Variants in VNN2 observed in about 807,000 individuals in gnomAD.
The protein encoded by VNN2 is vanin 2, also known as pantetheine hydrolase VNN2.
In VNN2, 43 loss-of-function variants were observed where a neutral mutation model predicts 43.0. The observed-to-expected ratio is 1.00, with a 90% CI of 0.78 to 1.29. The LOEUF is 1.29. VNN2 is among the 50% of genes most tolerant of loss of function. The pLI is 0.00. For missense variants in VNN2, 652 were observed against 619.7 expected (o/e 1.05, Z -0.55); for synonymous variants, 230 against 224.3 (o/e 1.03, Z -0.23).
At chr6:132,752,954 C>T in intron 3 of VNN2, 5 of 524,830 alleles carry the variant, frequency 9.5e-6, no homozygotes, top group Non-Finnish European at 1.7e-5. Context: ...CTCTCATCTC[C>T]TCTCTCTCCC....
At chr6:132,747,262 A>G (rs1171785786) in intron 6 of VNN2, among the ~76,000 whole-genome samples, 2 of 152,142 alleles carry the variant, frequency 1.3e-5, no homozygotes, top group Non-Finnish European at 2.9e-5. Flanking sequence ...TACACATTGC[A>G]TGTCTGTATC....
chr6:132,758,042 T>TTCTTCTTCTTCTTCTTCCTC (rs1562254247), upstream of VNN2: 1 of 159,470 alleles, frequency 6.3e-6, no homozygotes, highest in African/African-American at 7.6e-5. Context: ...TCTTCTTCTT[T>TTCTTCTTCTTCTTCTTCCTC]TTTTTTTTTT....
In VNN2 at chr6:132,749,801, G is replaced by C. The variant is rs1779943500; in HGVS notation, c.1265C>G (p.Ala422Gly). 17 of 1,614,066 alleles carry C rather than the reference G, an allele frequency of 1.1e-5. No homozygotes were observed. The highest frequency in any genetic ancestry group is 1.4e-5 in the Non-Finnish European group (16 of 1,179,970). ...LTTCGRPVET[A>G]STRFEMFSLS... ...GGAGAACATTTCAAATCTTGTAGAAGCAGTTTCTACTGGCCGTCCACAAGT... is the reference window on the plus strand; with the variant it reads ...GGAGAACATTTCAAATCTTGTAGAACCAGTTTCTACTGGCCGTCCACAAGT... Residue 422 changes from alanine (A) to glycine (G), a missense_variant, in exon 6 of 7, where the codon GCT becomes GGT. Ala to Gly is a moderately conservative substitution (Grantham distance 60). Transcript: ENST00000326499.
At chr6:132,752,175 T>A (rs981461250) in intron 4 of VNN2, among the ~76,000 whole-genome samples, 1 of 152,232 alleles carries the variant, frequency 6.6e-6, no homozygotes, top group Non-Finnish European at 1.5e-5. Flanking sequence ...GGGTAGCATT[T>A]GGCAAATTAC....
rs748855473 is a variant in VNN2 at position 132,755,834 on chromosome 6, C to G, written c.537+9G>C. Reference sequence around the variant, plus strand: ...CGCTCCATTTTACACGTCCGTCACTCTCTCTTACCTTATGGTAACGTGCCA... The same window carrying G: ...CGCTCCATTTTACACGTCCGTCACTGTCTCTTACCTTATGGTAACGTGCCA... On this transcript the variant is annotated intron_variant, in intron 3 of 6. Transcript: ENST00000326499. 16 of 1,602,972 alleles carry G rather than the reference C, an allele frequency of 1.0e-5. No individual in the cohort carries two copies. The highest frequency in any genetic ancestry group is 1.7e-4 in the Middle Eastern group (1 of 5,988).
intron 5 of VNN2, 145 bp downstream of exon 5, chr6:132,751,000 G>GTGTGTGTGTGT (rs1383022090): frequency 1.0e-6 from 1 of 954,500 alleles, no homozygotes; most frequent in Non-Finnish European, 1.6e-6. Flanking sequence ...ATGCACGTGT[G>GTGTGTGTGTGT]TGTGTGTGTG....
Position 132,750,513 on chromosome 6 carries a change from A to T in VNN2, c.1200+632T>A, listed in dbSNP as rs181978791. 1.0e-2 allele frequency among the ~76,000 whole-genome samples: 785 copies of T among 78,550 alleles called. 57 individuals are homozygous for T. Among genetic ancestry groups the T allele is most frequent in the Middle Eastern group, 0.016 (2 of 124 alleles). 51.5% of individuals were successfully genotyped at this position (78,550 alleles called of 152,430 possible). A position where few individuals can be genotyped will look rare whatever the true frequency, so the allele number is the denominator to read the frequency against. On this transcript the variant is annotated intron_variant, in intron 5 of 6. Transcript: ENST00000326499. ...TGTATATGTGTATATATATATATAT[A>T]TTTTTCCAGGTGTGGTGGCACATGC...
At position 132,744,040 on chromosome 6, in the gene VNN2, G is replaced by A. The variant is rs1410707378; in HGVS notation, c.*260C>T. The stretch of plus-strand genomic sequence containing the variant: ...AAAGTCTCAAGCAAATGAGGCTGGA[G>A]CTGGAGTTTGATCTTCATTTATCTG... On this transcript the variant is annotated 3_prime_UTR_variant, in exon 7 of 7. Coordinates refer to ENST00000326499, the MANE Select transcript of VNN2 (RefSeq NM_004665.6). The A allele has an allele frequency of 7.0e-6, 2 of 285,176 alleles. No individual in the cohort carries two copies. Among genetic ancestry groups the A allele is most frequent in the Admixed American group, 5.4e-5 (1 of 18,438 alleles). The allele number at this position is 285,176 out of a possible 1,614,324, so 17.7% of individuals were successfully genotyped here. A position where few individuals can be genotyped will look rare whatever the true frequency, so the allele number is the denominator to read the frequency against.
At chr6:132,750,487 T>TTGTATATGTGTGTATG in intron 5 of VNN2, among the ~76,000 whole-genome samples, 2 of 73,846 alleles carry the variant, frequency 2.7e-5, no homozygotes, top group Non-Finnish European at 5.0e-5. Flanking sequence ...TAAAAATATT[T>TTGTATATGTGTGTATG]TGTATATGTG....
rs1216473872 is a variant in VNN2 at position 132,744,128 on chromosome 6, TG to T, written c.*171del. 2.0e-5 allele frequency: 11 copies of T among 545,188 alleles called. No individual in the cohort carries two copies. Among genetic ancestry groups the T allele is most frequent in the Non-Finnish European group, 2.7e-5 (9 of 337,672 alleles). The allele number at this position is 545,188 out of a possible 1,614,324, so 33.8% of individuals were successfully genotyped here. On this transcript the variant is annotated 3_prime_UTR_variant, in exon 7 of 7. Transcript: ENST00000326499. ...CAACATTTCAGAGTAGCCAAAAAAA[TG>T]GACAACATTATCATAATACTTAAAA... is the stretch of plus-strand genomic sequence containing the variant.
At chr6:132,760,734 G>A (rs1780719473), upstream of VNN2, 1 of 151,942 alleles carries the variant, frequency 6.6e-6, no homozygotes, top group African/African-American at 2.4e-5. Flanking sequence ...TTATAATTTT[G>A]GCAGTAGAAG....
At chr6:132,757,335 C>A in intron 2 of VNN2, 81 bp downstream of exon 2, 1 of 1,489,906 alleles carries the variant, frequency 6.7e-7, no homozygotes, top group Non-Finnish European at 9.0e-7. Flanking sequence ...TATGGTAATT[C>A]AAGAGCAATC....
In VNN2 at chr6:132,757,419, T is replaced by TCA; in HGVS notation, c.340_341insTG (p.His114LeufsTer85). ...AAGACTAAGATAGTTAAAATACCTG[T>TCA]GGGGGTCTTGACACGGAATCCAGTT... On this transcript the variant is annotated frameshift_variant, in exon 2 of 7. Transcript: ENST00000326499. LOFTEE classifies it high-confidence loss of function. The TCA allele has an allele frequency of 1.2e-6, 2 of 1,602,468 alleles. No individual in the cohort carries two copies. Among genetic ancestry groups the TCA allele is most frequent in the Non-Finnish European group, 1.7e-6 (2 of 1,176,256 alleles).
In VNN2 at chr6:132,749,691, T is replaced by G. The variant is rs1562243245; in HGVS notation, c.1371+4A>C. 1.2e-6 allele frequency: 2 copies of G among 1,610,370 alleles called. No individual in the cohort carries two copies. Among genetic ancestry groups the G allele is most frequent in the Admixed American group, 1.7e-5 (1 of 59,314 alleles). On this transcript the variant is annotated splice_donor_region_variant and intron_variant, in intron 6 of 6. Transcript: ENST00000326499. ...TGAAAATACTCTTATAAAAGTCCTC[T>G]TACCTCAAATTTTCCAGGTGACAGA...
At chr6:132,753,458 C>T (rs1309196651) in intron 3 of VNN2, 1 of 454,310 alleles carries the variant, frequency 2.2e-6, no homozygotes, top group South Asian at 1.6e-5. Flanking sequence ...TCTTTAGTGT[C>T]CCATCCAAAG....
upstream of VNN2, among the ~76,000 whole-genome samples, chr6:132,758,332 TGCACTTGGCC>T (rs1780627782): frequency 1.3e-5 from 2 of 152,088 alleles, no homozygotes; most frequent in Non-Finnish European, 2.9e-5. Context: ...CGTGAGCCAC[TGCACTTGGCC>T]TACTTTATAA....
rs549567577 is a variant in VNN2, at chr6:132,755,189, G to T, written c.537+654C>A. Reference sequence around the variant, plus strand: ...GTCTCTAAAAAAATATAAAATTATTGAAACAGTGCCCAGATTATAGTCACC... The same window carrying T: ...GTCTCTAAAAAAATATAAAATTATTTAAACAGTGCCCAGATTATAGTCACC... On this transcript the variant is annotated intron_variant, in intron 3 of 6. Transcript: ENST00000326499. Among the ~76,000 whole-genome samples the T allele has an allele frequency of 2.0e-5, 3 of 151,188 alleles. No individual in the cohort carries two copies. In the South Asian group the frequency reaches 6.3e-4, roughly 32 times the overall value.
intron 3 of VNN2, among the ~76,000 whole-genome samples, chr6:132,754,582 T>C (rs1167557216): frequency 2.0e-5 from 3 of 152,222 alleles, no homozygotes; most frequent in Non-Finnish European, 4.4e-5. Context: ...TTACAAAATA[T>C]CTGGGTGTGG....
In VNN2 at chr6:132,747,943, T is replaced by C. The variant is rs1180214066; in HGVS notation, c.1371+1752A>G. Reference sequence around the variant, plus strand: ...CTAGCATTTTTTTGTCCTTCTCCCATGGATGAAGTAGTTTCATCAGGTAAA... The same window carrying C: ...CTAGCATTTTTTTGTCCTTCTCCCACGGATGAAGTAGTTTCATCAGGTAAA... On this transcript the variant is annotated intron_variant, in intron 6 of 6. Coordinates refer to ENST00000326499, the MANE Select transcript of VNN2 (RefSeq NM_004665.6). 2.6e-5 allele frequency among the ~76,000 whole-genome samples: 4 copies of C among 152,338 alleles called. No homozygotes were observed. The East Asian group carries it at 5.8e-4, about 22-fold the overall frequency.
Sources: allele counts gnomAD v4.1 joint callset (sites outside exome capture counted in the v4.1 genomes callset), GRCh38; gene constraint gnomAD v4.1.1; transcripts MANE v1.5; gene names NCBI Gene and HGNC (gene_info 2026-07-23, HGNC 2026-07-21).